The following TUSC3 variants were observed in gnomAD, a reference collection of about 807,000 sequenced individuals.
TUSC3 encodes the protein dolichyl-diphosphooligosaccharide--protein glycosyltransferase subunit TUSC3.
Under a neutral mutation model 44.8 loss-of-function variants are expected in TUSC3, and 45 were observed. The ratio of observed to expected loss-of-function variants is 1.00; its 90% confidence interval spans 0.79 to 1.29. The LOEUF (loss-of-function observed/expected upper bound fraction) is 1.29, where lower values mean the gene tolerates loss of function less well. Among genes scored for constraint, TUSC3 ranks in the 50% most tolerant of loss-of-function variants. TUSC3 has a pLI of 0.00. For synonymous variants in TUSC3, 212 were observed against 152.9 expected, an observed-to-expected ratio of 1.39 and a Z score of -2.85; for missense variants, 519 against 437.9, an observed-to-expected ratio of 1.19 and a Z score of -1.65.
intron 9 of TUSC3, among the ~76,000 whole-genome samples, chr8:15,752,941 C>A (rs1259000292): frequency 1.3e-5 from 2 of 151,792 alleles, no homozygotes; most frequent in Non-Finnish European, 2.9e-5. Context: ...GGAAAAACTT[C>A]CTTATTCTTG....
intron 2 of TUSC3, among the ~76,000 whole-genome samples, chr8:15,628,804 A>G (rs1805631515): frequency 6.6e-6 from 1 of 152,214 alleles, no homozygotes; most frequent in African/African-American, 2.4e-5. Flanking sequence ...GTACTGAGCA[A>G]TTTAGTAGCA....
the TUSC3 span, among the ~76,000 whole-genome samples, chr8:15,843,223 T>A: frequency 6.6e-6 from 1 of 152,280 alleles, no homozygotes; most frequent in East Asian, 1.9e-4. Flanking sequence ...CTACAATACA[T>A]TAGTTAATTG....
At chr8:15,835,435 A>G in the TUSC3 span, among the ~76,000 whole-genome samples, 1 of 151,664 alleles carries the variant, frequency 6.6e-6, no homozygotes, top group African/African-American at 2.4e-5. Flanking sequence ...TTTCTATTTC[A>G]TTGATTCCTG....
chr8:15,689,166 T>G, intron 6 of TUSC3: 2 of 409,116 alleles, frequency 4.9e-6, no homozygotes, highest in South Asian at 2.0e-5. Flanking sequence ...CCACTCTGCT[T>G]CTTGCTTCGG....
chr8:15,546,991 A>T (rs1347618887), intron 1 of TUSC3, among the ~76,000 whole-genome samples: 7 of 151,708 alleles, frequency 4.6e-5, no homozygotes, highest in African/African-American at 1.7e-4. Context: ...AAAGTCTAAG[A>T]TAGAATAGCA....
At chr8:15,478,439 G>A (rs771364736) in intron 1 of TUSC3, among the ~76,000 whole-genome samples, 7 of 151,872 alleles carry the variant, frequency 4.6e-5, no homozygotes, top group Non-Finnish European at 7.4e-5. Context: ...CCCAACTCCC[G>A]CCAAGAGGCC....
chr8:15,603,495 T>C (rs181688869), intron 1 of TUSC3, among the ~76,000 whole-genome samples: 46 of 151,768 alleles, frequency 3.0e-4, no homozygotes, highest in Non-Finnish European at 8.9e-5. Context: ...TTTGACAGTC[T>C]GGTGAATGAA....
chr8:15,655,718 C>A (rs914087765), intron 3 of TUSC3, among the ~76,000 whole-genome samples: 1 of 152,130 alleles, frequency 6.6e-6, no homozygotes, highest in Non-Finnish European at 1.5e-5. Context: ...TTGCTGCAGA[C>A]CTCCAGGGAT....
chr8:15,815,849 G>C, the TUSC3 span, among the ~76,000 whole-genome samples: 55 of 152,250 alleles, frequency 3.6e-4, no homozygotes, highest in African/African-American at 1.3e-3. Flanking sequence ...GAATTGCAAA[G>C]TTGGCATTGT....
At chr8:15,664,023 C>T (rs958975083) in intron 5 of TUSC3, among the ~76,000 whole-genome samples, 2 of 151,824 alleles carry the variant, frequency 1.3e-5, no homozygotes, top group African/African-American at 4.8e-5. Context: ...TCTTATTCCT[C>T]AAGAAGAGCC....
At chr8:15,456,500 C>T (rs1262698334) in intron 1 of TUSC3, among the ~76,000 whole-genome samples, 4 of 152,068 alleles carry the variant, frequency 2.6e-5, no homozygotes, top group Non-Finnish European at 5.9e-5. Context: ...CTTCCACGAT[C>T]AGTGACTAGG....
chr8:15,850,283 A>G, the TUSC3 span, among the ~76,000 whole-genome samples: 1 of 152,268 alleles, frequency 6.6e-6, no homozygotes, highest in African/African-American at 2.4e-5. Flanking sequence ...TTTCATTCAG[A>G]AATGTTGTGG....
chr8:15,772,463 A>G, the TUSC3 span, among the ~76,000 whole-genome samples: 1 of 152,182 alleles, frequency 6.6e-6, no homozygotes, highest in Non-Finnish European at 1.5e-5. Flanking sequence ...AACTATGAAA[A>G]TTTACTCAAC....
chr8:15,558,533 G>C (rs1187497172), intron 1 of TUSC3, among the ~76,000 whole-genome samples: 1 of 71,108 alleles, frequency 1.4e-5, no homozygotes, highest in African/African-American at 4.0e-5. Flanking sequence ...AATGAGTTAG[G>C]GAGGATTCCC....
At chr8:15,790,360 CT>C in the TUSC3 span, among the ~76,000 whole-genome samples, 1 of 151,636 alleles carries the variant, frequency 6.6e-6, no homozygotes, top group African/African-American at 2.4e-5. Flanking sequence ...TAATTTTTTA[CT>C]TTTAGTAGAG....
At chr8:15,540,641 T>TACC (rs1801652763) in intron 1 of TUSC3, 73 bp downstream of exon 1, 3 of 1,448,280 alleles carry the variant, frequency 2.1e-6, no homozygotes, top group Non-Finnish European at 1.8e-6. Flanking sequence ...CAGGCAGCCC[T>TACC]GCCGTGTTGC....
At chr8:15,655,400 T>C (rs529071947) in intron 3 of TUSC3, among the ~76,000 whole-genome samples, 1 of 152,280 alleles carries the variant, frequency 6.6e-6, no homozygotes, top group African/African-American at 2.4e-5. Context: ...AAACACACTG[T>C]GCATACGGCC....
chr8:15,591,134 G>C (rs935256091), intron 1 of TUSC3, among the ~76,000 whole-genome samples: 4 of 151,920 alleles, frequency 2.6e-5, no homozygotes, highest in Admixed American at 2.0e-4. Context: ...CCTTTTTTTG[G>C]TTATTTCAGA....
At chr8:15,761,891 T>C (rs1408108803) in intron 10 of TUSC3, among the ~76,000 whole-genome samples, 2 of 152,104 alleles carry the variant, frequency 1.3e-5, no homozygotes, top group Non-Finnish European at 2.9e-5. Context: ...AGAACTATTA[T>C]ACTGTTAGAT....
Sources: gnomAD v4.1 joint callset for allele counts (sites outside exome capture counted in the v4.1 genomes callset) on GRCh38, gnomAD v4.1.1 for gene constraint, MANE v1.5 for transcripts, NCBI Gene and HGNC (gene_info 2026-07-23, HGNC 2026-07-21) for gene names.